Variants in ASTN2 observed in about 807,000 individuals in gnomAD.
ASTN2 encodes the protein astrotactin 2, also known as astrotactin-2.
Under a neutral mutation model 139.8 loss-of-function variants are expected in ASTN2, and 54 were observed. The ratio of observed to expected loss-of-function variants is 0.39; its 90% CI spans 0.31 to 0.48. ASTN2 has a LOEUF of 0.48. Ranked by LOEUF, ASTN2 falls within the 20% of genes least tolerant of loss-of-function variation. The pLI is 0.95. For missense variants in ASTN2, 1,565 were observed against 1,725.1 expected (o/e 0.91, Z 1.64); for synonymous variants, 756 against 719.5 (o/e 1.05, Z -0.81).
chr9:117,269,176 A>T (rs981872039), intron 2 of ASTN2, among the ~76,000 whole-genome samples: 3 of 152,202 alleles, frequency 2.0e-5, no homozygotes, highest in Non-Finnish European at 4.4e-5. Context: ...CAAATTAAGA[A>T]TCCAAGGTGC....
chr9:117,266,939 A>G (rs1833950626), intron 2 of ASTN2, among the ~76,000 whole-genome samples: 1 of 152,188 alleles, frequency 6.6e-6, no homozygotes, highest in Admixed American at 6.5e-5. Context: ...TCTTGAGCGT[A>G]TGCTGGATTT....
At chr9:116,865,723 T>C (rs1363954361) in intron 10 of ASTN2, among the ~76,000 whole-genome samples, 1 of 152,116 alleles carries the variant, frequency 6.6e-6, no homozygotes, top group Non-Finnish European at 1.5e-5. Flanking sequence ...GGTGGGTGGG[T>C]GGGCTGGCCC....
intron 5 of ASTN2, among the ~76,000 whole-genome samples, chr9:117,041,714 C>G (rs1382655040): frequency 2.0e-5 from 3 of 152,156 alleles, no homozygotes; most frequent in African/African-American, 4.8e-5. Context: ...ATGAAGACTC[C>G]CAACACTCAT....
intron 20 of ASTN2, among the ~76,000 whole-genome samples, chr9:116,455,831 G>A (rs1237930446): frequency 2.0e-5 from 3 of 150,800 alleles, no homozygotes; most frequent in Non-Finnish European, 4.4e-5. Context: ...AAATAAAAAG[G>A]AGTCCATAAA....
intron 1 of ASTN2, among the ~76,000 whole-genome samples, chr9:117,337,000 A>G (rs941384885): frequency 9.2e-5 from 14 of 152,230 alleles, no homozygotes; most frequent in African/African-American, 3.4e-4. Context: ...GCATGAATAA[A>G]TAAGTCACCT....
At chr9:117,232,550 A>G (rs964068764) in intron 2 of ASTN2, among the ~76,000 whole-genome samples, 2 of 152,142 alleles carry the variant, frequency 1.3e-5, no homozygotes, top group African/African-American at 2.4e-5. Context: ...GAAAATACCC[A>G]TTTTTGCCAA....
chr9:117,184,000 A>G (rs1001546648), intron 3 of ASTN2, among the ~76,000 whole-genome samples: 5 of 152,150 alleles, frequency 3.3e-5, no homozygotes, highest in African/African-American at 1.2e-4. Flanking sequence ...AACCAAGCCA[A>G]TTTAACACTC....
chr9:116,436,114 C>T (rs1358226912), intron 22 of ASTN2, among the ~76,000 whole-genome samples: 1 of 152,230 alleles, frequency 6.6e-6, no homozygotes, highest in Non-Finnish European at 1.5e-5. Context: ...GCCCCCAGCA[C>T]ACGGCCTGAC....
chr9:116,602,917 G>A (rs973376301), intron 19 of ASTN2, among the ~76,000 whole-genome samples: 2 of 152,176 alleles, frequency 1.3e-5, no homozygotes, highest in Non-Finnish European at 2.9e-5. Flanking sequence ...GTGACAGAGC[G>A]AGACCTCCAT....
chr9:116,719,000 A>ATATATATATAT (rs1564230257), intron 16 of ASTN2, among the ~76,000 whole-genome samples: 7 of 143,272 alleles, frequency 4.9e-5, no homozygotes, highest in Non-Finnish European at 7.6e-5. Context: ...ATCTGCCTAT[A>ATATATATATAT]AGTCTCTCGC....
At chr9:116,643,150 T>C (rs1429054051) in intron 17 of ASTN2, among the ~76,000 whole-genome samples, 4 of 152,182 alleles carry the variant, frequency 2.6e-5, no homozygotes, top group Admixed American at 6.5e-5. Context: ...AGAGAACATA[T>C]ATAAATACAC....
chr9:116,450,704 C>A (rs1720828272), intron 20 of ASTN2, among the ~76,000 whole-genome samples: 1 of 152,116 alleles, frequency 6.6e-6, no homozygotes. Flanking sequence ...TCTAGGAGTA[C>A]CCAAGTGAGG....
intron 19 of ASTN2, among the ~76,000 whole-genome samples, chr9:116,500,914 A>T (rs1849831257): frequency 6.6e-6 from 1 of 152,180 alleles, no homozygotes; most frequent in African/African-American, 2.4e-5. Flanking sequence ...AAAACTCAAC[A>T]AACTAGGGAA....
chr9:116,912,310 C>T (rs184527064), intron 10 of ASTN2, among the ~76,000 whole-genome samples: 2 of 152,330 alleles, frequency 1.3e-5, no homozygotes, highest in Non-Finnish European at 2.9e-5. Context: ...CCATGCAACC[C>T]ATAATATCTC....
intron 4 of ASTN2, among the ~76,000 whole-genome samples, chr9:117,105,321 C>T (rs138814910): frequency 1.4e-3 from 214 of 152,188 alleles, no homozygotes; most frequent in African/African-American, 4.9e-3. Context: ...AAAACTGCCA[C>T]GGTGCTGTGA....
chr9:117,105,260 C>T (rs559478173), intron 4 of ASTN2, among the ~76,000 whole-genome samples: 3 of 152,090 alleles, frequency 2.0e-5, no homozygotes, highest in African/African-American at 7.2e-5. Context: ...AGCAATAAAG[C>T]TTTTGTCTGG....
chr9:117,072,655 T>C (rs1350044053), intron 5 of ASTN2, among the ~76,000 whole-genome samples: 1 of 152,170 alleles, frequency 6.6e-6, no homozygotes, highest in African/African-American at 2.4e-5. Context: ...GATCTATGAA[T>C]TGGAATCCAA....
chr9:117,324,785 G>A (rs372151433), intron 1 of ASTN2, among the ~76,000 whole-genome samples: 1 of 152,156 alleles, frequency 6.6e-6, no homozygotes. Context: ...GACCTCCCAG[G>A]CCATGCTAAG....
chr9:117,251,906 G>C (rs1383057804), intron 2 of ASTN2, among the ~76,000 whole-genome samples: 4 of 152,112 alleles, frequency 2.6e-5, no homozygotes, highest in Non-Finnish European at 4.4e-5. Flanking sequence ...ACAGGAATTG[G>C]GAGCTCACTA....
Sources: gnomAD v4.1 joint callset for allele counts (sites outside exome capture counted in the v4.1 genomes callset) on GRCh38, gnomAD v4.1.1 for gene constraint, MANE v1.5 for transcripts, NCBI Gene and HGNC (gene_info 2026-07-23, HGNC 2026-07-21) for gene names.